PTPRT: variants seen among roughly 807,000 people sequenced by gnomAD.
PTPRT encodes the protein receptor-type tyrosine-protein phosphatase T.
In PTPRT, 56 loss-of-function variants were observed where a neutral mutation model predicts 176.8. The ratio of observed to expected loss-of-function variants is 0.32; its 90% CI spans 0.26 to 0.40. The LOEUF is 0.40. Among genes scored for constraint, PTPRT ranks in the 10% least tolerant of loss-of-function variants. The pLI is 1.00. For missense variants in PTPRT, 1,540 were observed against 1,908.2 expected, an observed-to-expected ratio of 0.81 and a Z score of 3.60; for synonymous variants, 783 against 739.0, an observed-to-expected ratio of 1.06 and a Z score of -0.96.
rs76775096 is a variant in PTPRT, at chr20:42,267,132, T to G, written c.2176+15357A>C. ...TACCTGTTCAGCAGAGACTACACTT[T>G]AAGTACCAGTGCAAACATTCTGCTT... On this transcript the variant is annotated intron_variant, in intron 13 of 30. Coordinates refer to ENST00000373187, the MANE Select transcript of PTPRT (RefSeq NM_007050.6). Among the ~76,000 whole-genome samples, 1,523 of 152,316 alleles carry G rather than the reference T, an allele frequency of 1.0e-2. 25 individuals carry two copies. Among genetic ancestry groups the G allele is most frequent in the African/African-American group, 0.035 (1,471 of 41,564 alleles).
At chr20:42,218,107 G>A (rs1315657862) in intron 15 of PTPRT, among the ~76,000 whole-genome samples, 3 of 152,130 alleles carry the variant, frequency 2.0e-5, no homozygotes, top group Non-Finnish European at 2.9e-5. Context: ...TTAAAGCCTC[G>A]TAAATGTCTA....
intron 7 of PTPRT, among the ~76,000 whole-genome samples, chr20:42,480,682 G>A (rs1424419449): frequency 6.6e-6 from 1 of 152,146 alleles, no homozygotes; most frequent in African/African-American, 2.4e-5. Flanking sequence ...CTGGACAATA[G>A]ATACAGTACA....
intron 12 of PTPRT, among the ~76,000 whole-genome samples, chr20:42,307,957 T>A (rs1312428239): frequency 6.6e-6 from 1 of 152,144 alleles, no homozygotes; most frequent in Non-Finnish European, 1.5e-5. Flanking sequence ...TCCTGCTCAT[T>A]ATATGCGAAT....
chr20:42,158,463 A>G (rs1310892158), intron 17 of PTPRT, among the ~76,000 whole-genome samples: 1 of 152,210 alleles, frequency 6.6e-6, no homozygotes, highest in Non-Finnish European at 1.5e-5. Context: ...ACTCATGTGT[A>G]TGAAAACACT....
intron 7 of PTPRT, among the ~76,000 whole-genome samples, chr20:42,564,279 A>C (rs2073002701): frequency 1.3e-5 from 2 of 152,222 alleles, no homozygotes; most frequent in African/African-American, 4.8e-5. Context: ...TCACTCTTCC[A>C]CATTGCCCAG....
chr20:43,108,641 T>C (rs541337379), intron 1 of PTPRT, among the ~76,000 whole-genome samples: 213 of 152,198 alleles, frequency 1.4e-3, no homozygotes, highest in Non-Finnish European at 1.8e-3. Flanking sequence ...GCCCTTATTT[T>C]CTTATAAGGA....
intron 1 of PTPRT, among the ~76,000 whole-genome samples, chr20:42,916,121 C>G (rs556674696): frequency 1.6e-5 from 2 of 125,434 alleles, no homozygotes; most frequent in East Asian, 5.7e-4. Context: ...TCCCTCCCCC[C>G]ACCCCACAAC....
chr20:42,790,613 T>A (rs1371079884), intron 3 of PTPRT, among the ~76,000 whole-genome samples: 1 of 152,184 alleles, frequency 6.6e-6, no homozygotes, highest in East Asian at 1.9e-4. Context: ...CAACTTAGAC[T>A]TTCCAAACTC....
chr20:43,011,896 G>A (rs139995670), intron 1 of PTPRT, among the ~76,000 whole-genome samples: 16 of 152,228 alleles, frequency 1.1e-4, no homozygotes, highest in Middle Eastern at 3.4e-3. Flanking sequence ...TGAGTCTTCC[G>A]GCCTTCATCT....
chr20:42,444,188 T>C (rs1017925602), intron 9 of PTPRT, among the ~76,000 whole-genome samples: 2 of 152,138 alleles, frequency 1.3e-5, no homozygotes, highest in Non-Finnish European at 2.9e-5. Flanking sequence ...TTTTTAAGAC[T>C]TGCCTAAGTC....
At chr20:42,914,966 T>C (rs1306876878) in intron 1 of PTPRT, among the ~76,000 whole-genome samples, 1 of 152,074 alleles carries the variant, frequency 6.6e-6, no homozygotes, top group African/African-American at 2.4e-5. Context: ...CCCTTTACCA[T>C]TCCAATTTTC....
the PTPRT span, among the ~76,000 whole-genome samples, chr20:42,053,346 C>T: frequency 5.9e-5 from 9 of 152,234 alleles, no homozygotes; most frequent in South Asian, 1.7e-3. Flanking sequence ...ACAATTGGAG[C>T]GGTACTGTGG....
intron 7 of PTPRT, among the ~76,000 whole-genome samples, chr20:42,621,072 T>C (rs1017153198): frequency 6.6e-6 from 1 of 152,032 alleles, no homozygotes; most frequent in Non-Finnish European, 1.5e-5. Context: ...TCCCACCAGG[T>C]CCCTCCCTCA....
chr20:42,807,861 ATATTT>A (rs767297495), intron 2 of PTPRT, among the ~76,000 whole-genome samples: 5 of 152,244 alleles, frequency 3.3e-5, no homozygotes, highest in Non-Finnish European at 5.9e-5. Context: ...CACAGAATAA[ATATTT>A]TATTCTTGAA....
chr20:43,072,246 T>A (rs920477109), intron 1 of PTPRT, among the ~76,000 whole-genome samples: 1 of 152,240 alleles, frequency 6.6e-6, no homozygotes, highest in Non-Finnish European at 1.5e-5. Flanking sequence ...ATCATAGTCA[T>A]GCATTGGCTA....
intron 1 of PTPRT, among the ~76,000 whole-genome samples, chr20:42,905,060 G>C (rs1042395067): frequency 6.6e-6 from 1 of 152,172 alleles, no homozygotes. Flanking sequence ...AGCCAAAATA[G>C]ACAAATGGGA....
intron 1 of PTPRT, among the ~76,000 whole-genome samples, chr20:43,119,555 G>A (rs1384436349): frequency 6.6e-6 from 1 of 152,180 alleles, no homozygotes; most frequent in Non-Finnish European, 1.5e-5. Context: ...GTGTTTAGAA[G>A]GGTGAAGCAG....
intron 1 of PTPRT, among the ~76,000 whole-genome samples, chr20:42,911,016 C>G (rs1366545527): frequency 6.6e-6 from 1 of 152,084 alleles, no homozygotes; most frequent in Non-Finnish European, 1.5e-5. Context: ...AGAACTTGCT[C>G]ACTATCAGGA....
chr20:43,045,183 G>A (rs1178818904), intron 1 of PTPRT, among the ~76,000 whole-genome samples: 2 of 152,170 alleles, frequency 1.3e-5, no homozygotes, highest in Non-Finnish European at 2.9e-5. Flanking sequence ...TTTAGAAACA[G>A]AGCACCCAAG....
Sources: gnomAD v4.1 joint callset for allele counts (sites outside exome capture counted in the v4.1 genomes callset) on GRCh38, gnomAD v4.1.1 for gene constraint, MANE v1.5 for transcripts, NCBI Gene and HGNC (gene_info 2026-07-23, HGNC 2026-07-21) for gene names.